Variants in B3GALT1 observed in about 807,000 individuals in gnomAD.
B3GALT1 encodes the protein beta-1,3-galactosyltransferase 1.
In B3GALT1, 10 loss-of-function variants were observed where a neutral mutation model predicts 23.2. The ratio of observed to expected loss-of-function variants is 0.43; its 90% CI spans 0.27 to 0.73. B3GALT1 has a LOEUF of 0.73. B3GALT1 is among the 30% of genes least tolerant of loss of function. The pLI is 0.21. For missense variants in B3GALT1, 299 were observed against 405.4 expected (o/e 0.74, Z 2.25); for synonymous variants, 156 against 141.5 (o/e 1.10, Z -0.73).
intron 1 of B3GALT1, among the ~76,000 whole-genome samples, chr2:167,476,091 A>G (rs1023475137): frequency 1.3e-5 from 2 of 152,130 alleles, no homozygotes; most frequent in African/African-American, 2.4e-5. Context: ...CCCTATTTCC[A>G]ATTAGTTCAC....
chr2:167,374,416 T>G (rs571981214), intron 1 of B3GALT1, among the ~76,000 whole-genome samples: 1 of 152,342 alleles, frequency 6.6e-6, no homozygotes. Flanking sequence ...AGTTCTGTTT[T>G]AAGTTTTTTG....
chr2:167,295,768 CGTGTGTGTGTGTGT>C (rs57375833), intron 1 of B3GALT1, among the ~76,000 whole-genome samples: 108 of 143,450 alleles, frequency 7.5e-4, no homozygotes, highest in African/African-American at 2.6e-3. Flanking sequence ...TGTGTGTGTA[CGTGTGTGTGTGTGT>C]GTGTGTGTGT....
chr2:167,356,376 G>C (rs1009468729), intron 1 of B3GALT1, among the ~76,000 whole-genome samples: 1 of 152,160 alleles, frequency 6.6e-6, no homozygotes, highest in Non-Finnish European at 1.5e-5. Flanking sequence ...GTATTTATTT[G>C]ATTTTTGTGA....
intron 3 of B3GALT1, among the ~76,000 whole-genome samples, chr2:167,814,558 G>A (rs191216316): frequency 2.0e-5 from 3 of 152,194 alleles, no homozygotes; most frequent in Non-Finnish European, 4.4e-5. Context: ...TCAGGAGATC[G>A]AGAACATCCT....
chr2:167,431,389 A>C (rs1698702210), intron 1 of B3GALT1, among the ~76,000 whole-genome samples: 1 of 152,200 alleles, frequency 6.6e-6, no homozygotes, highest in Non-Finnish European at 1.5e-5. Flanking sequence ...TTTTAAAGTA[A>C]TACAACTTCT....
chr2:167,539,697 A>G (rs1402612952), intron 2 of B3GALT1, among the ~76,000 whole-genome samples: 3 of 152,182 alleles, frequency 2.0e-5, no homozygotes, highest in Non-Finnish European at 4.4e-5. Flanking sequence ...AGTTAACTAA[A>G]AATAGCCTTC....
At chr2:167,526,776 C>G (rs1683226401) in intron 2 of B3GALT1, among the ~76,000 whole-genome samples, 1 of 152,116 alleles carries the variant, frequency 6.6e-6, no homozygotes, top group Admixed American at 6.6e-5. Flanking sequence ...TTGTTTCTTA[C>G]TAATTGTAAA....
intron 3 of B3GALT1, among the ~76,000 whole-genome samples, chr2:167,674,934 C>G (rs982222354): frequency 6.6e-6 from 1 of 152,124 alleles, no homozygotes; most frequent in Non-Finnish European, 1.5e-5. Context: ...ATATCACCTT[C>G]TGAAATTATT....
At chr2:167,361,767 T>C (rs1381622821) in intron 1 of B3GALT1, among the ~76,000 whole-genome samples, 1 of 152,152 alleles carries the variant, frequency 6.6e-6, no homozygotes, top group Non-Finnish European at 1.5e-5. Flanking sequence ...TTGTAAAACC[T>C]TCTTTGTCCA....
At chr2:167,813,695 C>A (rs747588275) in intron 3 of B3GALT1, among the ~76,000 whole-genome samples, 2 of 152,102 alleles carry the variant, frequency 1.3e-5, no homozygotes, top group African/African-American at 4.8e-5. Context: ...ATAAAGAGCT[C>A]AGAAGAAGAA....
chr2:167,299,692 TAA>T (rs1325743960), intron 1 of B3GALT1, among the ~76,000 whole-genome samples: 2 of 151,998 alleles, frequency 1.3e-5, no homozygotes, highest in Non-Finnish European at 2.9e-5. Flanking sequence ...TGCAAAGAAA[TAA>T]AAGATAATCT....
At position 167,719,757 on chromosome 2, in the gene B3GALT1, C is replaced by T. The variant is rs183205912; in HGVS notation, c.-352+72791C>T. On this transcript the variant is annotated intron_variant, in intron 3 of 4. Transcript: ENST00000392690. ...ACCAGCATGACCAACATGGTGAAAC[C>T]CCATCTCTACTAAAGAATACAAAAA... Among the ~76,000 whole-genome samples, 120 of 152,178 alleles carry T rather than the reference C, an allele frequency of 7.9e-4. 1 individual carries two copies. Among genetic ancestry groups the T allele is most frequent in the African/African-American group, 2.5e-3 (105 of 41,518 alleles).
At chr2:167,431,589 A>G (rs576009628) in intron 1 of B3GALT1, among the ~76,000 whole-genome samples, 18 of 152,318 alleles carry the variant, frequency 1.2e-4, no homozygotes, top group Admixed American at 1.0e-3. Flanking sequence ...ATTGGACATC[A>G]TGTCTGTCTA....
intron 3 of B3GALT1, among the ~76,000 whole-genome samples, chr2:167,756,125 GTCCACAC>G (rs1687813519): frequency 6.6e-6 from 1 of 152,152 alleles, no homozygotes. Context: ...ATTATAGATA[GTCCACAC>G]TTACTTAAGA....
chr2:167,679,757 T>G (rs13016797), intron 3 of B3GALT1, among the ~76,000 whole-genome samples: 1 of 152,244 alleles, frequency 6.6e-6, no homozygotes, highest in African/African-American at 2.4e-5. Flanking sequence ...TGAATTTTAA[T>G]AGTCTCTACC....
At chr2:167,855,755 T>C (rs1689989200) in intron 4 of B3GALT1, among the ~76,000 whole-genome samples, 1 of 152,114 alleles carries the variant, frequency 6.6e-6, no homozygotes, top group African/African-American at 2.4e-5. Context: ...ACTGACCTGT[T>C]TTCAGTCATA....
At chr2:167,480,936 A>T (rs765679578) in intron 1 of B3GALT1, among the ~76,000 whole-genome samples, 1 of 152,308 alleles carries the variant, frequency 6.6e-6, no homozygotes, top group South Asian at 2.1e-4. Context: ...AAAACTGCTC[A>T]TATGGCATCA....
chr2:167,342,208 GA>G (rs978979507), intron 1 of B3GALT1, among the ~76,000 whole-genome samples: 1 of 151,392 alleles, frequency 6.6e-6, no homozygotes, highest in African/African-American at 2.4e-5. Context: ...ATATTAAACT[GA>G]AAAAAAAGAC....
intron 3 of B3GALT1, among the ~76,000 whole-genome samples, chr2:167,648,318 T>A (rs980830357): frequency 6.6e-6 from 1 of 152,092 alleles, no homozygotes; most frequent in East Asian, 1.9e-4. Flanking sequence ...GTTGATCTAG[T>A]CCCAAGATTC....
Sources: gnomAD v4.1 joint callset for allele counts (sites outside exome capture counted in the v4.1 genomes callset) on GRCh38, gnomAD v4.1.1 for gene constraint, MANE v1.5 for transcripts, NCBI Gene and HGNC (gene_info 2026-07-23, HGNC 2026-07-21) for gene names.